VPS33A: variants seen among roughly 807,000 people sequenced by gnomAD.
The protein encoded by VPS33A is vacuolar protein sorting-associated protein 33A.
A neutral mutation model predicts 71.8 loss-of-function variants in VPS33A; 32 were observed. The observed-to-expected ratio is 0.45, with a 90% CI of 0.34 to 0.60. The LOEUF (loss-of-function observed/expected upper bound fraction) is 0.60. Among genes scored for constraint, VPS33A ranks in the 20% least tolerant of loss-of-function variants. VPS33A has a pLI of 0.02. For missense variants in VPS33A, 625 were observed against 748.5 expected (o/e 0.84, Z 1.92); for synonymous variants, 311 against 292.7 (o/e 1.06, Z -0.64).
chr12:122,244,074 G>T (rs1954746748), intron 7 of VPS33A, among the ~76,000 whole-genome samples: 1 of 152,188 alleles, frequency 6.6e-6, no homozygotes, highest in African/African-American at 2.4e-5. Context: ...ACGGGCAAGA[G>T]GAGGCAGGAA....
chr12:122,259,737 A>G (rs530732813), intron 4 of VPS33A, among the ~76,000 whole-genome samples: 1 of 152,228 alleles, frequency 6.6e-6, no homozygotes, highest in East Asian at 1.9e-4. Context: ...AAAACATTAC[A>G]CTAAGTGAAG....
In VPS33A at chr12:122,251,032, G is replaced by T. The variant is rs1247045557; in HGVS notation, c.551C>A (p.Ala184Asp). Residue 184 changes from alanine to aspartate, a missense_variant, in exon 5 of 13, where the codon GCT (alanine) becomes GAT (aspartate). Physicochemically the swap from Ala to Asp is moderately radical, Grantham distance 126 (BLOSUM62 -2). Coordinates refer to ENST00000267199, the MANE Select transcript of VPS33A (RefSeq NM_022916.6). Reference protein sequence around the residue: ...HAAKGLMTLQALYGTIPQIFG... With the variant: ...HAAKGLMTLQDLYGTIPQIFG... ...GATCTGGGGGATCGTTCCATACAGA[G>T]CTTGCAGGGTCATCAGCCCCTTGGC... The T allele has an allele frequency of 6.2e-7, 1 of 1,614,176 alleles. No homozygotes were observed. The highest frequency in any genetic ancestry group is 8.5e-7 in the Non-Finnish European group (1 of 1,180,032).
chr12:122,264,323 G>C, intron 1 of VPS33A, 124 bp from the exon 2 acceptor site: 1 of 613,258 alleles, frequency 1.6e-6, no homozygotes, highest in Non-Finnish European at 2.6e-6. Context: ...TTTTATCCTA[G>C]TGTTACAAAA....
At chr12:122,262,555 T>G (rs1955009990) in intron 3 of VPS33A, among the ~76,000 whole-genome samples, 1 of 151,256 alleles carries the variant, frequency 6.6e-6, no homozygotes. Context: ...CAGACTCGGC[T>G]GGGAGCACTT....
At position 122,244,584 on chromosome 12, in the gene VPS33A, G is replaced by A. The variant is rs149441222; in HGVS notation, c.954C>T (p.Ile318=). ...GSVLSKKAKI[I]SAAFEERHNA... Reference sequence around the variant, plus strand: ...CTTGCCTCACCTCGAATGCTGCAGAGATGATCTTTGCTTTCTTGCTGAGCA... The same window carrying A: ...CTTGCCTCACCTCGAATGCTGCAGAAATGATCTTTGCTTTCTTGCTGAGCA... Residue 318 remains isoleucine, a synonymous_variant, in exon 7 of 13, where the codon ATC becomes ATT. Transcript: ENST00000267199. 91 of 1,607,272 alleles carry A rather than the reference G, an allele frequency of 5.7e-5. No individual in the cohort carries two copies. The highest frequency in any genetic ancestry group is 7.4e-5 in the Non-Finnish European group (87 of 1,174,358).
rs1954752801 is a variant in VPS33A, at chr12:122,244,571, C to T, written c.967G>A (p.Glu323Lys). Residue 323 changes from glutamate to lysine, a missense_variant and splice_region_variant, in exon 7 of 13, where the codon GAG becomes AAG. Physicochemically the swap from Glu to Lys is moderately conservative, Grantham distance 56 (BLOSUM62 1). Coordinates refer to ENST00000267199, the MANE Select transcript of VPS33A (RefSeq NM_022916.6). Reference protein sequence around the residue: ...KKAKIISAAFEERHNAKTVGE... With the variant: ...KKAKIISAAFKERHNAKTVGE... ...ATGACACCCAAAACTTGCCTCACCT[C>T]GAATGCTGCAGAGATGATCTTTGCT... is the stretch of plus-strand genomic sequence containing the variant. 2 of 1,589,894 alleles carry T rather than the reference C, an allele frequency of 1.3e-6. No individual in the cohort carries two copies. Among genetic ancestry groups the T allele is most frequent in the Non-Finnish European group, 8.6e-7 (1 of 1,160,586 alleles).
chr12:122,241,323 C>T lies in VPS33A; in HGVS notation c.1096+1059G>A, dbSNP rs568698302. Among the ~76,000 whole-genome samples, 74 of 151,906 alleles carry T rather than the reference C, an allele frequency of 4.9e-4. 1 individual carries two copies. The highest frequency in any genetic ancestry group is 1.7e-3 in the African/African-American group (72 of 41,438). ...TCTCTTTTTCTTTCTTTCGTTATTTCGAGATGGAGTCCTGCTCTGTCGCCC... is the reference window on the plus strand; with the variant it reads ...TCTCTTTTTCTTTCTTTCGTTATTTTGAGATGGAGTCCTGCTCTGTCGCCC... On this transcript the variant is annotated intron_variant, in intron 8 of 12. Coordinates refer to ENST00000267199, the MANE Select transcript of VPS33A (RefSeq NM_022916.6).
intron 4 of VPS33A, among the ~76,000 whole-genome samples, chr12:122,259,171 G>GTGTGTGTATGTA (rs1323913271): frequency 1.5e-5 from 2 of 137,220 alleles, no homozygotes; most frequent in East Asian, 4.2e-4. Context: ...AGGGGTGTGT[G>GTGTGTGTATGTA]TGTGTGTATG....
intron 6 of VPS33A, among the ~76,000 whole-genome samples, chr12:122,245,245 G>C (rs1954762239): frequency 6.6e-6 from 1 of 152,114 alleles, no homozygotes; most frequent in Non-Finnish European, 1.5e-5. Context: ...AGAGAAGCTA[G>C]TGGTGGCTTC....
chr12:122,253,974 C>G (rs977561935), intron 4 of VPS33A, among the ~76,000 whole-genome samples: 14 of 152,158 alleles, frequency 9.2e-5, no homozygotes, highest in African/African-American at 3.4e-4. Context: ...GCCACCACAC[C>G]CAGCCCAATA....
chr12:122,237,534 C>CTTTT (rs59918502), intron 10 of VPS33A, among the ~76,000 whole-genome samples: 4 of 111,788 alleles, frequency 3.6e-5, no homozygotes, highest in African/African-American at 7.4e-5. Flanking sequence ...TAAAGTTTTT[C>CTTTT]TTTTTTTTTT....
At chr12:122,240,553 T>G (rs1489284777) in intron 8 of VPS33A, among the ~76,000 whole-genome samples, 1 of 152,210 alleles carries the variant, frequency 6.6e-6, no homozygotes, top group Non-Finnish European at 1.5e-5. Flanking sequence ...GAACATTTCA[T>G]TTTCATCATT....
intron 10 of VPS33A, among the ~76,000 whole-genome samples, chr12:122,237,800 T>C (rs1055820562): frequency 4.0e-5 from 6 of 150,284 alleles, no homozygotes; most frequent in African/African-American, 1.2e-4. Context: ...TAGTAAATGC[T>C]CAAGAAATGT....
At chr12:122,266,132 G>C (rs573638817) in intron 1 of VPS33A, among the ~76,000 whole-genome samples, 175 bp downstream of exon 1, 1 of 151,948 alleles carries the variant, frequency 6.6e-6, no homozygotes, top group East Asian at 1.9e-4. Flanking sequence ...TACGCCCAGG[G>C]CCCCCCCCTT....
intron 4 of VPS33A, chr12:122,252,727 C>G (rs1435154424): frequency 6.6e-6 from 1 of 152,202 alleles, no homozygotes; most frequent in African/African-American, 2.4e-5. Flanking sequence ...TAGCTGTGCC[C>G]TGGGCCAGTT....
At chr12:122,255,707 C>CAAA (rs71082953) in intron 4 of VPS33A, among the ~76,000 whole-genome samples, 418 of 35,096 alleles carry the variant, frequency 0.012, 39 homozygotes, top group African/African-American at 0.037. Context: ...GACTCCGTCT[C>CAAA]AAAAAAAAAA....
chr12:122,257,756 ATATAT>A (rs1442560417), intron 4 of VPS33A, among the ~76,000 whole-genome samples: 1 of 152,124 alleles, frequency 6.6e-6, no homozygotes, highest in Non-Finnish European at 1.5e-5. Flanking sequence ...AACAAAAGTG[ATATAT>A]TTACCTGCTT....
At chr12:122,245,632 G>C (rs1178750908) in intron 6 of VPS33A, among the ~76,000 whole-genome samples, 1 of 152,086 alleles carries the variant, frequency 6.6e-6, no homozygotes, top group Non-Finnish European at 1.5e-5. Context: ...TTTTAGTAGA[G>C]ACAGGGTTTC....
Position 122,242,435 on chromosome 12 carries a change from C to G in VPS33A, c.1043G>C (p.Arg348Thr). 1 of 1,614,150 alleles carries G rather than the reference C, an allele frequency of 6.2e-7. No homozygotes were observed. The highest frequency in any genetic ancestry group is 8.5e-7 in the Non-Finnish European group (1 of 1,180,008). Residue 348 changes from arginine (R) to threonine (T), a missense_variant, in exon 8 of 13, where the codon AGG becomes ACG. Coordinates refer to ENST00000267199, the MANE Select transcript of VPS33A (RefSeq NM_022916.6). ...TGAGGTATGGTTTGCAAGCGAGCCC[C>G]TTGCTGCCTGCATGTGGGGCAACTG... ...VSQLPHMQAA[R>T]GSLANHTSIA...
Sources: allele counts gnomAD v4.1 joint callset (sites outside exome capture counted in the v4.1 genomes callset), GRCh38; gene constraint gnomAD v4.1.1; transcripts MANE v1.5; gene names NCBI Gene and HGNC (gene_info 2026-07-23, HGNC 2026-07-21).